The following MBP variants were observed in gnomAD, a reference collection of about 807,000 sequenced individuals.
MBP encodes Golli-MBP.
Under a neutral mutation model 35.8 loss-of-function variants are expected in MBP, and 16 were observed. That is an observed-to-expected ratio of 0.45 (90% CI 0.30 to 0.68). The LOEUF (loss-of-function observed/expected upper bound fraction) is 0.68. MBP is among the 30% of genes least tolerant of loss of function. MBP has a pLI of 0.08. For missense variants in MBP, 380 were observed against 404.7 expected, an observed-to-expected ratio of 0.94 and a Z score of 0.52; for synonymous variants, 143 against 159.6, an observed-to-expected ratio of 0.90 and a Z score of 0.78.
intron 3 of MBP, among the ~76,000 whole-genome samples, chr18:77,029,217 C>T (rs1308343100): frequency 5.7e-4 from 82 of 144,236 alleles, no homozygotes; most frequent in Non-Finnish European, 5.7e-4. Flanking sequence ...GAGACCAGCC[C>T]GGCCAACACA....
At chr18:77,032,711 C>T (rs889618604) in intron 3 of MBP, among the ~76,000 whole-genome samples, 6 of 152,136 alleles carry the variant, frequency 3.9e-5, no homozygotes, top group African/African-American at 7.2e-5. Flanking sequence ...CATGTAGATT[C>T]GGTTAGGTTG....
intron 3 of MBP, among the ~76,000 whole-genome samples, chr18:77,027,120 T>C (rs1468594421): frequency 6.6e-6 from 1 of 152,054 alleles, no homozygotes; most frequent in Non-Finnish European, 1.5e-5. Flanking sequence ...TAGGAAAAGT[T>C]AGGGATGAAA....
At chr18:77,081,769 C>T (rs199703946) in intron 2 of MBP, among the ~76,000 whole-genome samples, 1,168 of 80,696 alleles carry the variant, frequency 0.014, 7 homozygotes, top group Non-Finnish European at 0.018. Context: ...TATATATATA[C>T]ACACACACAC....
intron 3 of MBP, among the ~76,000 whole-genome samples, chr18:77,048,073 G>C (rs1973327512): frequency 1.3e-5 from 2 of 152,192 alleles, no homozygotes; most frequent in African/African-American, 4.8e-5. Context: ...AATGAGCTAA[G>C]TGTCTGTTTT....
At chr18:76,981,684 C>T (rs1201007415) in intron 8 of MBP, 1 of 152,234 alleles carries the variant, frequency 6.6e-6, no homozygotes, top group Non-Finnish European at 1.5e-5. Flanking sequence ...TTCTCACATA[C>T]CGTGGAGGCC....
intron 3 of MBP, among the ~76,000 whole-genome samples, chr18:77,029,356 C>T (rs1457261943): frequency 2.7e-5 from 4 of 147,046 alleles, no homozygotes; most frequent in Non-Finnish European, 6.0e-5. Context: ...GCCGAGATGG[C>T]AGCAGTACAG....
intron 2 of MBP, among the ~76,000 whole-genome samples, chr18:77,098,739 C>T (rs1230335811): frequency 6.6e-6 from 1 of 152,188 alleles, no homozygotes; most frequent in African/African-American, 2.4e-5. Flanking sequence ...ACCGCCAAGG[C>T]AGGGCAGAGT....
chr18:76,994,094 G>T (rs1016303711), intron 4 of MBP, among the ~76,000 whole-genome samples: 2 of 152,144 alleles, frequency 1.3e-5, no homozygotes, highest in Non-Finnish European at 2.9e-5. Context: ...ATGAGAGGGG[G>T]TGTGAAATCG....
chr18:77,069,178 G>A (rs576232441), intron 2 of MBP, among the ~76,000 whole-genome samples: 52 of 152,270 alleles, frequency 3.4e-4, no homozygotes, highest in African/African-American at 1.2e-3. Context: ...AGTGCCTGGC[G>A]CCCAGAGAGA....
chr18:76,979,744 C>T lies in MBP; in HGVS notation c.*683G>A. ...GCCCAGCCCACGTTTGCCTCCTTTT[C>T]CTCCCTCTGCCACACGCGAATTCAG... On this transcript the variant is annotated 3_prime_UTR_variant, in exon 9 of 9. Coordinates refer to ENST00000355994, the MANE Select transcript of MBP (RefSeq NM_001025101.2). 3.5e-6 allele frequency: 2 copies of T among 576,902 alleles called. No individual in the cohort carries two copies. Among genetic ancestry groups the T allele is most frequent in the Admixed American group, 3.1e-5 (1 of 32,208 alleles). 35.7% of individuals were successfully genotyped at this position (576,902 alleles called of 1,614,324 possible).
rs370888915 is a variant in MBP, at chr18:77,038,464, G to T, written c.140-21196C>A. 3.3e-5 allele frequency among the ~76,000 whole-genome samples: 5 copies of T among 152,160 alleles called. No individual in the cohort carries two copies. The South Asian group carries it at 1.0e-3, about 32-fold the overall frequency. On this transcript the variant is annotated intron_variant, in intron 3 of 8. Coordinates refer to ENST00000355994, the MANE Select transcript of MBP (RefSeq NM_001025101.2). ...AGTAGTGGCCCTTACTCAACAGCAC[G>T]CTGGCAGTAGAAAGGCAAACCCTTT...
intron 4 of MBP, among the ~76,000 whole-genome samples, chr18:76,998,003 A>AT (rs1046081498): frequency 6.6e-6 from 1 of 152,176 alleles, no homozygotes; most frequent in African/African-American, 2.4e-5. Flanking sequence ...TTAAAAAGTA[A>AT]TTTTTTTATT....
chr18:77,077,095 TC>T (rs906054903), intron 2 of MBP, among the ~76,000 whole-genome samples: 3 of 152,130 alleles, frequency 2.0e-5, no homozygotes, highest in Non-Finnish European at 4.4e-5. Flanking sequence ...GTGTGGTGGC[TC>T]ATACCTGTAA....
chr18:77,040,031 T>C (rs1393403584), intron 3 of MBP, among the ~76,000 whole-genome samples: 5 of 152,350 alleles, frequency 3.3e-5, no homozygotes, highest in Middle Eastern at 3.4e-3. Flanking sequence ...GAGGACTTTA[T>C]TGGTACAAAA....
At chr18:77,092,681 A>C (rs185346717) in intron 2 of MBP, among the ~76,000 whole-genome samples, 8 of 152,236 alleles carry the variant, frequency 5.3e-5, no homozygotes, top group Non-Finnish European at 8.8e-5. Context: ...CGCAGGGTGC[A>C]ACTGAGGAAC....
chr18:77,008,075 G>A (rs1971102283), intron 4 of MBP, among the ~76,000 whole-genome samples: 1 of 152,120 alleles, frequency 6.6e-6, no homozygotes. Flanking sequence ...GGTCCACTGA[G>A]GACAGCGTGC....
At chr18:77,104,886 TTC>T (rs958200160) in intron 2 of MBP, among the ~76,000 whole-genome samples, 3 of 151,950 alleles carry the variant, frequency 2.0e-5, no homozygotes, top group African/African-American at 4.8e-5. Context: ...GTTTCCCTCT[TTC>T]TCTTTCTTCT....
At chr18:77,086,353 G>A (rs564226667) in intron 2 of MBP, among the ~76,000 whole-genome samples, 4 of 152,178 alleles carry the variant, frequency 2.6e-5, no homozygotes, top group Admixed American at 1.3e-4. Context: ...CAACCATCAC[G>A]ATCAATTAGG....
At chr18:77,090,740 G>T (rs893748607) in intron 2 of MBP, among the ~76,000 whole-genome samples, 2 of 152,202 alleles carry the variant, frequency 1.3e-5, no homozygotes, top group African/African-American at 4.8e-5. Context: ...TGAAGTCCAG[G>T]CTCAGCGGCG....
Sources: gnomAD v4.1 joint callset for allele counts (sites outside exome capture counted in the v4.1 genomes callset) on GRCh38, gnomAD v4.1.1 for gene constraint, MANE v1.5 for transcripts, NCBI Gene and HGNC (gene_info 2026-07-23, HGNC 2026-07-21) for gene names.